FBXO32: variants seen among roughly 807,000 people sequenced by gnomAD.
The protein encoded by FBXO32 is F-box only protein 32.
Under a neutral mutation model 48.3 loss-of-function variants are expected in FBXO32, and 15 were observed. The ratio of observed to expected loss-of-function variants is 0.31; its 90% confidence interval spans 0.21 to 0.48. The LOEUF (loss-of-function observed/expected upper bound fraction) is 0.48. Ranked by LOEUF, FBXO32 falls within the 20% of genes least tolerant of loss-of-function variation. The pLI is 0.99. For missense variants in FBXO32, 309 were observed against 432.7 expected (o/e 0.71, Z 2.54); for synonymous variants, 154 against 165.9 (o/e 0.93, Z 0.55).
intron 4 of FBXO32, among the ~76,000 whole-genome samples, chr8:123,524,947 G>A (rs1278243308): frequency 6.6e-6 from 1 of 152,248 alleles, no homozygotes; most frequent in African/African-American, 2.4e-5. Context: ...CCCTCCATCA[G>A]AGGAAGGCCA....
intron 6 of FBXO32, among the ~76,000 whole-genome samples, chr8:123,510,164 A>G (rs1030907729): frequency 1.3e-5 from 2 of 152,218 alleles, no homozygotes; most frequent in African/African-American, 2.4e-5. Flanking sequence ...CAGCTGATAC[A>G]TTTACAATAC....
At chr8:123,515,589 C>G (rs147795363) in intron 4 of FBXO32, among the ~76,000 whole-genome samples, 1 of 152,070 alleles carries the variant, frequency 6.6e-6, no homozygotes, top group Non-Finnish European at 1.5e-5. Flanking sequence ...CCTACCAACC[C>G]CATAATTGCC....
At chr8:123,527,128 T>C (rs891769178) in intron 4 of FBXO32, 1 of 152,234 alleles carries the variant, frequency 6.6e-6, no homozygotes, top group Non-Finnish European at 1.5e-5. Flanking sequence ...TCTTAGCTCA[T>C]GGGCCATACA....
rs537304281 is a variant in FBXO32 at position 123,504,521 on chromosome 8, G to A, written c.978+83C>T. The A allele has an allele frequency of 3.3e-5, 42 of 1,277,998 alleles. No homozygotes were observed. The South Asian group carries it at 4.1e-4, about 12-fold the overall frequency. The allele number at this position is 1,277,998 out of a possible 1,614,324, so 79.2% of individuals were successfully genotyped here. A position where few individuals can be genotyped will look rare whatever the true frequency, so the allele number is the denominator to read the frequency against. The stretch of plus-strand genomic sequence containing the variant: ...TGTGATGGGGAAGAGGCGGAAAGGC[G>A]CTGGCCTCACCATGCTGGCTGGCAC... On this transcript the variant is annotated intron_variant, in intron 8 of 8. Transcript: ENST00000517956.
At chr8:123,518,741 A>T (rs1254917922) in intron 4 of FBXO32, among the ~76,000 whole-genome samples, 1 of 152,230 alleles carries the variant, frequency 6.6e-6, no homozygotes, top group East Asian at 1.9e-4. Flanking sequence ...AGGCTCAGAG[A>T]AGTACTCACC....
chr8:123,533,698 C>T (rs969352971), intron 2 of FBXO32, among the ~76,000 whole-genome samples: 2 of 152,098 alleles, frequency 1.3e-5, no homozygotes, highest in Non-Finnish European at 2.9e-5. Context: ...ATCCCAGCTA[C>T]TTGGGAGGCT....
chr8:123,538,711 T>G (rs1423408809), intron 1 of FBXO32, among the ~76,000 whole-genome samples: 1 of 152,172 alleles, frequency 6.6e-6, no homozygotes, highest in African/African-American at 2.4e-5. Flanking sequence ...TCCTAAACGC[T>G]GACTCAAAGG....
intron 4 of FBXO32, among the ~76,000 whole-genome samples, chr8:123,531,463 G>A (rs1817207169): frequency 6.6e-6 from 1 of 152,218 alleles, no homozygotes; most frequent in African/African-American, 2.4e-5. Context: ...GGGAGACAGT[G>A]AGAACAGTCA....
intron 1 of FBXO32, among the ~76,000 whole-genome samples, chr8:123,535,069 C>T (rs1306216149): frequency 6.6e-6 from 1 of 151,588 alleles, no homozygotes; most frequent in East Asian, 1.9e-4. Context: ...CCTAACAGTG[C>T]CTTGCATTGT....
At chr8:123,526,289 G>A (rs536460065) in intron 4 of FBXO32, among the ~76,000 whole-genome samples, 6 of 151,768 alleles carry the variant, frequency 4.0e-5, no homozygotes, top group Admixed American at 1.3e-4. Flanking sequence ...GCAGTGGCGC[G>A]ATCTTGGCTC....
At chr8:123,538,949 A>G (rs2130565808) in intron 1 of FBXO32, among the ~76,000 whole-genome samples, 1 of 152,294 alleles carries the variant, frequency 6.6e-6, no homozygotes, top group Non-Finnish European at 1.5e-5. Context: ...TTTCTAAAGG[A>G]GAGTGACACC....
At chr8:123,534,094 A>T (rs2130558501) in intron 2 of FBXO32, among the ~76,000 whole-genome samples, 1 of 149,458 alleles carries the variant, frequency 6.7e-6, no homozygotes, top group Admixed American at 6.7e-5. Flanking sequence ...TCTGTCTCAA[A>T]AAACAAAAAC....
Position 123,521,861 on chromosome 8 carries a change from C to T in FBXO32, c.373-7528G>A, listed in dbSNP as rs141252697. On this transcript the variant is annotated intron_variant, in intron 4 of 8. Transcript: ENST00000517956. Reference sequence around the variant, plus strand: ...TGGGTGCCCATCTATAGGAAGGTTGCGTCTTCTATAATAAACCTTTAGTTA... The same window carrying T: ...TGGGTGCCCATCTATAGGAAGGTTGTGTCTTCTATAATAAACCTTTAGTTA... Among the ~76,000 whole-genome samples, 324 of 152,198 alleles carry T rather than the reference C, an allele frequency of 2.1e-3. 2 individuals carry two copies. Among genetic ancestry groups the T allele is most frequent in the African/African-American group, 7.5e-3 (313 of 41,534 alleles).
At chr8:123,517,118 C>T (rs968803880) in intron 4 of FBXO32, among the ~76,000 whole-genome samples, 3 of 152,150 alleles carry the variant, frequency 2.0e-5, no homozygotes, top group Non-Finnish European at 4.4e-5. Context: ...AGCCTCGGGT[C>T]GGCTTTTGAA....
chr8:123,514,217 C>T (rs150052321), intron 5 of FBXO32, 23 bp downstream of exon 5: 62 of 1,586,638 alleles, frequency 3.9e-5, no homozygotes, highest in South Asian at 1.5e-4. Flanking sequence ...TAAAAAGGGG[C>T]GAGAGAGTGA....
chr8:123,512,762 C>T (rs936693289), intron 6 of FBXO32, among the ~76,000 whole-genome samples: 5 of 152,072 alleles, frequency 3.3e-5, no homozygotes, highest in Non-Finnish European at 5.9e-5. Context: ...TACCAATAAT[C>T]GGAACTAGGA....
At chr8:123,532,640 G>T (rs932953747) in intron 3 of FBXO32, among the ~76,000 whole-genome samples, 1 of 152,182 alleles carries the variant, frequency 6.6e-6, no homozygotes, top group African/African-American at 2.4e-5. Context: ...GTCCCTGACG[G>T]TCATAGAAAT....
chr8:123,524,668 G>A (rs1051719077), intron 4 of FBXO32, among the ~76,000 whole-genome samples: 1 of 152,128 alleles, frequency 6.6e-6, no homozygotes, highest in Non-Finnish European at 1.5e-5. Flanking sequence ...ATAGCAGTGT[G>A]CCATCAACCC....
intron 4 of FBXO32, among the ~76,000 whole-genome samples, chr8:123,530,103 C>G (rs1223862888): frequency 1.3e-5 from 2 of 152,174 alleles, no homozygotes; most frequent in Non-Finnish European, 2.9e-5. Context: ...ACATTTCACC[C>G]AAGAAGGTCT....
Sources: gnomAD v4.1 joint callset for allele counts (sites outside exome capture counted in the v4.1 genomes callset) on GRCh38, gnomAD v4.1.1 for gene constraint, MANE v1.5 for transcripts, NCBI Gene and HGNC (gene_info 2026-07-23, HGNC 2026-07-21) for gene names.